The following PTPRD variants were observed in gnomAD, a reference collection of about 807,000 sequenced individuals.
PTPRD encodes receptor-type tyrosine-protein phosphatase delta.
A neutral mutation model predicts 214.5 loss-of-function variants in PTPRD; 34 were observed. The observed-to-expected ratio is 0.16, with a 90% CI of 0.12 to 0.21. The LOEUF (loss-of-function observed/expected upper bound fraction) is 0.21. Among genes scored for constraint, PTPRD ranks in the 10% least tolerant of loss-of-function variants. The pLI is 1.00. For missense variants in PTPRD, 2,545 were observed against 2,398.7 expected (o/e 1.06, Z -1.27); for synonymous variants, 1,128 against 845.7 (o/e 1.33, Z -5.79).
rs118065904 is a variant in PTPRD at position 8,463,167 on chromosome 9, C to G, written c.3714+2299G>C. Reference sequence around the variant, plus strand: ...GCCATCAAGCAGGAGAACAGATGTTCCACTGAATGCTTGTATACTACTCTT... The same window carrying G: ...GCCATCAAGCAGGAGAACAGATGTTGCACTGAATGCTTGTATACTACTCTT... On this transcript the variant is annotated intron_variant, in intron 32 of 45. Coordinates refer to ENST00000381196, the MANE Select transcript of PTPRD (RefSeq NM_002839.4). 1.0e-3 allele frequency among the ~76,000 whole-genome samples: 153 copies of G among 151,704 alleles called. No homozygotes were observed. The Middle Eastern group carries it at 0.01, about 10-fold the overall frequency.
intron 10 of PTPRD, among the ~76,000 whole-genome samples, chr9:9,101,200 CA>C (rs753680953): frequency 2.3e-4 from 34 of 149,136 alleles, no homozygotes; most frequent in African/African-American, 5.9e-4. Flanking sequence ...AACAAACAAA[CA>C]AAAAAAAATG....
At chr9:9,271,409 C>G (rs1372317728) in intron 9 of PTPRD, among the ~76,000 whole-genome samples, 1 of 151,092 alleles carries the variant, frequency 6.6e-6, no homozygotes, top group Non-Finnish European at 1.5e-5. Context: ...CAGTTATAAC[C>G]AAAAATCCCC....
At chr9:8,465,393 C>A in intron 32 of PTPRD, 73 bp downstream of exon 32, 1 of 1,386,624 alleles carries the variant, frequency 7.2e-7, no homozygotes, top group Non-Finnish European at 1.0e-6. Context: ...ACCCACAAAT[C>A]CCCAAATAAC....
In PTPRD at chr9:8,518,416, A is replaced by G. The variant is rs780320838; in HGVS notation, c.975T>C (p.Pro325=). ...TCTCGGTCACTACAGGAGTTCCTGG[A>G]GGTTTGGGTAAGGCTTGGATGGGGG... ...AQITVKALPK[P]PGTPVVTEST... Residue 325 remains proline (P), a synonymous_variant, in exon 21 of 46, where the codon CCT becomes CCC. Coordinates refer to ENST00000381196, the MANE Select transcript of PTPRD (RefSeq NM_002839.4). The G allele has an allele frequency of 6.2e-7, 1 of 1,604,246 alleles. No homozygotes were observed. The highest frequency in any genetic ancestry group is 1.1e-5 in the South Asian group (1 of 89,548).
chr9:9,547,234 G>C (rs1569569172), intron 8 of PTPRD, among the ~76,000 whole-genome samples: 2 of 152,078 alleles, frequency 1.3e-5, no homozygotes, highest in South Asian at 2.1e-4. Context: ...AAAGTACGCA[G>C]TCATCCTCAT....
chr9:8,603,525 T>C (rs1309518198), intron 14 of PTPRD, among the ~76,000 whole-genome samples: 3 of 152,142 alleles, frequency 2.0e-5, no homozygotes, highest in Non-Finnish European at 4.4e-5. Context: ...ATAACGTGAA[T>C]AAAAAGAAGA....
chr9:8,850,832 G>A (rs920439351), intron 11 of PTPRD, among the ~76,000 whole-genome samples: 1 of 152,212 alleles, frequency 6.6e-6, no homozygotes, highest in African/African-American at 2.4e-5. Context: ...ATCTACTTGT[G>A]TAGTAAGAAA....
chr9:10,239,046 G>A (rs1266277721), intron 3 of PTPRD, among the ~76,000 whole-genome samples: 2 of 151,928 alleles, frequency 1.3e-5, no homozygotes, highest in African/African-American at 4.8e-5. Context: ...AAAAGAATCT[G>A]TTTGGAGTAA....
chr9:9,226,252 G>A (rs2099959407), intron 9 of PTPRD, among the ~76,000 whole-genome samples: 1 of 151,660 alleles, frequency 6.6e-6, no homozygotes, highest in Non-Finnish European at 1.5e-5. Context: ...GTTTCTCTGT[G>A]CAAAGGGCAA....
At chr9:10,190,493 G>A (rs1482841458) in intron 3 of PTPRD, among the ~76,000 whole-genome samples, 3 of 149,428 alleles carry the variant, frequency 2.0e-5, no homozygotes, top group Admixed American at 1.3e-4. Context: ...CGAGGCAGGT[G>A]GATCACCTGA....
At chr9:10,134,334 A>T (rs1204512202) in intron 3 of PTPRD, among the ~76,000 whole-genome samples, 1 of 152,154 alleles carries the variant, frequency 6.6e-6, no homozygotes, top group African/African-American at 2.4e-5. Flanking sequence ...GTGTGGCACC[A>T]GTGATTTGGG....
intron 11 of PTPRD, among the ~76,000 whole-genome samples, chr9:8,813,156 G>A (rs1176693945): frequency 6.6e-6 from 1 of 152,170 alleles, no homozygotes; most frequent in East Asian, 1.9e-4. Context: ...TCAATTCTGG[G>A]CAGTACTCCA....
chr9:9,533,917 T>C (rs964666157), intron 8 of PTPRD, among the ~76,000 whole-genome samples: 6 of 152,218 alleles, frequency 3.9e-5, no homozygotes, highest in African/African-American at 1.4e-4. Context: ...CTTTTTACTG[T>C]ATCCTTACTT....
Position 9,743,759 on chromosome 9 carries a change from CACACACACACAA to C in PTPRD, c.-325-9200_-325-9189del, listed in dbSNP as rs1360204747. On this transcript the variant is annotated intron_variant, in intron 6 of 45. Coordinates refer to ENST00000381196, the MANE Select transcript of PTPRD (RefSeq NM_002839.4). Reference sequence around the variant, plus strand: ...ACACACACACACACACACACACACACACACACACACAATTTATACTGACTGTATAAATTTCCC... The same window carrying C: ...ACACACACACACACACACACACACACTTTATACTGACTGTATAAATTTCCC... Among the ~76,000 whole-genome samples the C allele has an allele frequency of 3.5e-3, 525 of 148,126 alleles. 4 individuals carry two copies. The highest frequency in any genetic ancestry group is 0.013 in the African/African-American group (497 of 38,176).
Position 10,433,573 on chromosome 9 carries a change from A to T in PTPRD, c.-599-92556T>A, listed in dbSNP as rs191332215. On this transcript the variant is annotated intron_variant, in intron 2 of 45. Coordinates refer to ENST00000381196, the MANE Select transcript of PTPRD (RefSeq NM_002839.4). ...TATGTCATCTGTCTAATAATGTCAG[A>T]TATTCTGTGTGATGAATGTTACCAC... Among the ~76,000 whole-genome samples the T allele has an allele frequency of 1.3e-4, 20 of 152,132 alleles. No individual in the cohort carries two copies. In the East Asian group the frequency reaches 3.7e-3, roughly 28 times the overall value.
intron 3 of PTPRD, among the ~76,000 whole-genome samples, chr9:10,056,457 T>C (rs921286641): frequency 5.3e-5 from 8 of 151,490 alleles, no homozygotes; most frequent in Non-Finnish European, 1.2e-4. Flanking sequence ...AAAAAAAAAC[T>C]ATTGAATAAA....
At chr9:9,986,066 A>T (rs559577941) in intron 4 of PTPRD, among the ~76,000 whole-genome samples, 2 of 152,292 alleles carry the variant, frequency 1.3e-5, no homozygotes, top group South Asian at 2.1e-4. Flanking sequence ...TACACTTTTC[A>T]CTAATTAAAA....
At chr9:10,272,968 C>T (rs1464434231) in intron 3 of PTPRD, among the ~76,000 whole-genome samples, 1 of 152,104 alleles carries the variant, frequency 6.6e-6, no homozygotes, top group Non-Finnish European at 1.5e-5. Context: ...TGAAAAATGC[C>T]TGATGTCACT....
At chr9:8,354,347 C>T (rs1267679758) in intron 39 of PTPRD, among the ~76,000 whole-genome samples, 1 of 152,084 alleles carries the variant, frequency 6.6e-6, no homozygotes, top group African/African-American at 2.4e-5. Flanking sequence ...AATGAAATAA[C>T]TATCTACCAT....
Sources: gnomAD v4.1 joint callset for allele counts (sites outside exome capture counted in the v4.1 genomes callset) on GRCh38, gnomAD v4.1.1 for gene constraint, MANE v1.5 for transcripts, NCBI Gene and HGNC (gene_info 2026-07-23, HGNC 2026-07-21) for gene names.